The following DNAAF3 variants were observed in gnomAD, a reference collection of about 807,000 sequenced individuals.
The protein encoded by DNAAF3 is UPF0470 protein C19orf51.
A neutral mutation model predicts 50.9 loss-of-function variants in DNAAF3; 40 were observed. The observed-to-expected ratio is 0.79, with a 90% confidence interval of 0.61 to 1.02. The LOEUF is 1.02. Among genes scored for constraint, DNAAF3 ranks in the 50% least tolerant of loss-of-function variants. DNAAF3 has a pLI of 0.00. For missense variants in DNAAF3, 763 were observed against 744.7 expected (o/e 1.02, Z -0.29); for synonymous variants, 327 against 322.8 (o/e 1.01, Z -0.14).
Position 55,164,203 on chromosome 19 carries a change from G to A in DNAAF3, c.322+1167C>T, listed in dbSNP as rs536039707. On this transcript the variant is annotated intron_variant, in intron 4 of 11. Transcript: ENST00000524407. ...CAATTAAACCTCTTTTCTTGGGGCC[G>A]GGTGTGATCGCACCCGCCTGTAAAC... Among the ~76,000 whole-genome samples, 7 of 152,200 alleles carry A rather than the reference G, an allele frequency of 4.6e-5. No individual in the cohort carries two copies. The East Asian group carries it at 1.2e-3, about 25-fold the overall frequency.
rs1021364861 is a variant in DNAAF3, at chr19:55,162,087, T to G, written c.480+46A>C. 15 of 1,239,910 alleles carry G rather than the reference T, an allele frequency of 1.2e-5. No homozygotes were observed. In the African/African-American group the frequency reaches 2.2e-4, roughly 18 times the overall value. 76.8% of individuals were successfully genotyped at this position (1,239,910 alleles called of 1,614,324 possible). On this transcript the variant is annotated intron_variant, in intron 5 of 11. Transcript: ENST00000524407. ...CGTCCTTTGGACTGTGCGCTTCCAT[T>G]ATTCCCGCGGCCACCCGATCCCAGA...
rs781749900 is a variant in DNAAF3, at chr19:55,159,202, G to C, written c.1486C>G (p.Pro496Ala). 9.3e-6 allele frequency: 15 copies of C among 1,613,786 alleles called. No homozygotes were observed. Among genetic ancestry groups the C allele is most frequent in the Non-Finnish European group, 1.3e-5 (15 of 1,180,040 alleles). Residue 496 changes from proline to alanine, a missense_variant, in exon 12 of 12, where the codon CCT (proline) becomes GCT (alanine). Pro to Ala is a conservative substitution (Grantham distance 27). Transcript: ENST00000524407. Reference sequence around the variant, plus strand: ...CAGTGTGGGGTCCCACCCTGCAGAGGCTGGGTCAGGCCCTCAAGGGCTGGG... The same window carrying C: ...CAGTGTGGGGTCCCACCCTGCAGAGCCTGGGTCAGGCCCTCAAGGGCTGGG... The part of the protein sequence containing the change: ...SNPALEGLTQ[P>A]LQGGTPHCEP...
In DNAAF3 at chr19:55,158,829, G is replaced by C. The variant is rs758870525; in HGVS notation, c.*233C>G. 2 of 482,138 alleles carry C rather than the reference G, an allele frequency of 4.1e-6. No individual in the cohort carries two copies. Among genetic ancestry groups the C allele is most frequent in the Non-Finnish European group, 7.2e-6 (2 of 279,288 alleles). 29.9% of individuals were successfully genotyped at this position (482,138 alleles called of 1,614,324 possible). ...CTAGGCTGGGCTTAGAGCCTCAGAA[G>C]TGGAATTTGGAATTCTGAGAGAACA... On this transcript the variant is annotated 3_prime_UTR_variant, in exon 12 of 12. Coordinates refer to ENST00000524407, the MANE Select transcript of DNAAF3 (RefSeq NM_001256715.2).
At position 55,160,769 on chromosome 19, in the gene DNAAF3, C is replaced by T; in HGVS notation, c.919G>A (p.Gly307Arg). 1.2e-6 allele frequency: 2 copies of T among 1,610,022 alleles called. No individual in the cohort carries two copies. Among genetic ancestry groups the T allele is most frequent in the Non-Finnish European group, 1.7e-6 (2 of 1,179,428 alleles). Residue 307 changes from glycine (G) to arginine (R), a missense_variant, in exon 9 of 12, where the codon GGG becomes AGG. By Grantham distance (125) the Gly-to-Arg change is moderately radical (BLOSUM62 -2). Transcript: ENST00000524407. The surrounding 1 kb of genome is among the most constrained non-coding windows in gnomAD (Gnocchi z 4.7). ...TSNGQPVKTA[G>R]EITQHNVTEL... ...GTCACGTTGTGTTGAGTGATCTCCC[C>T]GGCCGTCTAACAGTAGAAGGGGCGT...
chr19:55,165,801 A>T (rs1284353241), intron 3 of DNAAF3, 57 bp downstream of exon 3: 1 of 1,579,396 alleles, frequency 6.3e-7, no homozygotes, highest in South Asian at 1.2e-5. Flanking sequence ...TAGAATTTCA[A>T]TCCCTTCCTC....
intron 3 of DNAAF3, 80 bp from the exon 4 acceptor site, chr19:55,165,543 C>A: frequency 7.2e-7 from 1 of 1,392,366 alleles, no homozygotes; most frequent in Non-Finnish European, 1.0e-6. Flanking sequence ...AGGCCCTCAG[C>A]TCTCTCCTTC....
chr19:55,159,659 G>A, intron 10 of DNAAF3, 52 bp from the exon 11 acceptor site: 1 of 1,609,910 alleles, frequency 6.2e-7, no homozygotes. Context: ...TCCGGAGGGA[G>A]GATGGGGCTC....
chr19:55,160,922 G>A lies in DNAAF3; in HGVS notation c.912+143C>T. 4 of 1,449,066 alleles carry A rather than the reference G, an allele frequency of 2.8e-6. No homozygotes were observed. Among genetic ancestry groups the A allele is most frequent in the Admixed American group, 2.6e-5 (1 of 38,662 alleles). 89.8% of individuals were successfully genotyped at this position (1,449,066 alleles called of 1,614,324 possible). The stretch of plus-strand genomic sequence containing the variant: ...GCGGGACCTATCCCGCGGGGATGGG[G>A]CCTGTTCTCTGAATGGAGTCGTTCC... On this transcript the variant is annotated intron_variant, in intron 8 of 11. Transcript: ENST00000524407. The surrounding 1 kb of genome is among the most constrained non-coding windows in gnomAD (Gnocchi z 4.7).
At chr19:55,165,721 G>A in intron 3 of DNAAF3, 137 bp downstream of exon 3, 1 of 1,445,196 alleles carries the variant, frequency 6.9e-7, no homozygotes, top group South Asian at 1.3e-5. Flanking sequence ...AGACGCATCG[G>A]TTCGCTCCCA....
Position 55,161,777 on chromosome 19 carries a change from C to A in DNAAF3, c.529G>T (p.Gly177Cys). ...LEAVFRFWAG[G>C]EKGPQAFPMS... is the part of the protein sequence containing the mutation. ...GGGAACGCCTGGGGCCCTTTCTCGC[C>A]GCCAGCCCAGAAGCGGAATACGGCC... is the stretch of plus-strand genomic sequence containing the variant. The change falls in exon 6 of 12, where the codon GGC becomes TGC. Residue 177 changes from glycine to cysteine, a missense_variant. By Grantham distance (159) the Gly-to-Cys change is radical. Coordinates refer to ENST00000524407, the MANE Select transcript of DNAAF3 (RefSeq NM_001256715.2). This position sits in a 1 kb window ranked among gnomAD's most constrained non-coding sequence, Gnocchi z 6.4. The A allele has an allele frequency of 6.7e-7, 1 of 1,500,652 alleles. No individual in the cohort carries two copies. The highest frequency in any genetic ancestry group is 8.9e-7 in the Non-Finnish European group (1 of 1,126,448). 93.0% of individuals were successfully genotyped at this position (1,500,652 alleles called of 1,614,324 possible).
At position 55,164,566 on chromosome 19, in the gene DNAAF3, C is replaced by G. The variant is rs560577442; in HGVS notation, c.322+804G>C. On this transcript the variant is annotated intron_variant, in intron 4 of 11. Transcript: ENST00000524407. ...TAGATGGAGGTTTTGCTTTTGTCGC[C>G]CAGGCTGGAGTGCAGTGGTGTGATC... is the stretch of plus-strand genomic sequence containing the variant. Among the ~76,000 whole-genome samples the G allele has an allele frequency of 7.1e-4, 108 of 151,998 alleles. No homozygotes were observed. In the South Asian group the frequency reaches 0.021, roughly 29 times the overall value.
In DNAAF3 at chr19:55,159,891, C is replaced by G. The variant is rs772585706; in HGVS notation, c.1163+8G>C. 1 of 1,613,304 alleles carries G rather than the reference C, an allele frequency of 6.2e-7. No homozygotes were observed. Among genetic ancestry groups the G allele is most frequent in the Non-Finnish European group, 8.5e-7 (1 of 1,179,510 alleles). ...GGTCTTTGTGAGCACAGCTGCCTCCCCGCTTACCCACAGGCCACATAGAGG... is the reference window on the plus strand; with the variant it reads ...GGTCTTTGTGAGCACAGCTGCCTCCGCGCTTACCCACAGGCCACATAGAGG... On this transcript the variant is annotated splice_region_variant and intron_variant, in intron 10 of 11. Coordinates refer to ENST00000524407, the MANE Select transcript of DNAAF3 (RefSeq NM_001256715.2).
Position 55,165,980 on chromosome 19 carries a change from A to C in DNAAF3, c.106T>G (p.Ser36Ala). Residue 36 changes from serine to alanine, a missense_variant, in exon 3 of 12, where the codon TCC (serine) becomes GCC (alanine). Ser to Ala is a moderately conservative substitution (Grantham distance 99, BLOSUM62 1). Coordinates refer to ENST00000524407, the MANE Select transcript of DNAAF3 (RefSeq NM_001256715.2). Reference sequence around the variant, plus strand: ...TTGCTGTGCACTGTATCGGCCTGGGAGTCTGGGTCCACAGGAGGACCTGGC... The same window carrying C: ...TTGCTGTGCACTGTATCGGCCTGGGCGTCTGGGTCCACAGGAGGACCTGGC... ...QAESPPVDPDSQADTVHSNPE... is the reference protein window; with the variant it reads ...QAESPPVDPDAQADTVHSNPE... The C allele has an allele frequency of 6.2e-7, 1 of 1,614,156 alleles. No individual in the cohort carries two copies. The highest frequency in any genetic ancestry group is 8.5e-7 in the Non-Finnish European group (1 of 1,180,024).
chr19:55,166,327 A>G lies in DNAAF3; in HGVS notation c.85+2T>C. On this transcript the variant is annotated splice_donor_variant, in intron 2 of 11. Coordinates refer to ENST00000524407, the MANE Select transcript of DNAAF3 (RefSeq NM_001256715.2). LOFTEE classifies it high-confidence loss of function. This position sits in a 1 kb window ranked among gnomAD's most constrained non-coding sequence, Gnocchi z 4.0. Reference sequence around the variant, plus strand: ...TATCAGACCTTGCGTGCTGGGACTCACTTTCAGCCTGCAGGTCCAGCGCCG... The same window carrying G: ...TATCAGACCTTGCGTGCTGGGACTCGCTTTCAGCCTGCAGGTCCAGCGCCG... The G allele has an allele frequency of 6.2e-7, 1 of 1,613,128 alleles. No individual in the cohort carries two copies. Among genetic ancestry groups the G allele is most frequent in the Admixed American group, 1.7e-5 (1 of 59,980 alleles).
chr19:55,166,568 T>C lies in DNAAF3; in HGVS notation c.-50A>G, dbSNP rs1256744046. On this transcript the variant is annotated 5_prime_UTR_variant, in exon 1 of 12. Coordinates refer to ENST00000524407, the MANE Select transcript of DNAAF3 (RefSeq NM_001256715.2). The surrounding 1 kb of genome is among the most constrained non-coding windows in gnomAD (Gnocchi z 4.0). ...GGGACGCCCCTTCCTCTCTGCTCAG[T>C]GCAGCACTGTGGACCCGCGGCACTC... 6.2e-7 allele frequency: 1 copy of C among 1,614,066 alleles called. No homozygotes were observed. Among genetic ancestry groups the C allele is most frequent in the African/African-American group, 1.3e-5 (1 of 74,924 alleles).
Position 55,161,376 on chromosome 19 carries a change from T to G in DNAAF3, c.706A>C (p.Thr236Pro). The change falls in exon 7 of 12, where the codon ACA becomes CCA. Residue 236 changes from threonine to proline, a missense_variant. Transcript: ENST00000524407. The surrounding 1 kb of genome is among the most constrained non-coding windows in gnomAD (Gnocchi z 6.4). ...TCCCTGAGTTCAAAGGCGACGCCTG[T>G]GTCCCGCCAGCGTCGGAACTCCTGG... ...HPQEFRRWRD[T>P]GVAFELRDSS... The G allele has an allele frequency of 6.6e-7, 1 of 1,509,206 alleles. No individual in the cohort carries two copies. Among genetic ancestry groups the G allele is most frequent in the Non-Finnish European group, 9.0e-7 (1 of 1,115,876 alleles). The allele number at this position is 1,509,206 out of a possible 1,614,324, so 93.5% of individuals were successfully genotyped here.
chr19:55,161,496 C>T lies in DNAAF3; in HGVS notation c.664-78G>A, dbSNP rs545406780. On this transcript the variant is annotated intron_variant, in intron 6 of 11. Coordinates refer to ENST00000524407, the MANE Select transcript of DNAAF3 (RefSeq NM_001256715.2). This position sits in a 1 kb window ranked among gnomAD's most constrained non-coding sequence, Gnocchi z 6.4. Reference sequence around the variant, plus strand: ...ACCCCTACACCAGCCTCCCTCAGACCCAGGAGTCCAGGTCCCCAGGCCCTC... The same window carrying T: ...ACCCCTACACCAGCCTCCCTCAGACTCAGGAGTCCAGGTCCCCAGGCCCTC... The T allele has an allele frequency of 2.6e-6, 4 of 1,518,280 alleles. No homozygotes were observed. The East Asian group carries it at 6.9e-5, about 26-fold the overall frequency. The allele number at this position is 1,518,280 out of a possible 1,614,324, so 94.1% of individuals were successfully genotyped here. A position where few individuals can be genotyped will look rare whatever the true frequency, so the allele number is the denominator to read the frequency against.
At chr19:55,163,522 T>C (rs1019646825) in intron 4 of DNAAF3, among the ~76,000 whole-genome samples, 1 of 150,612 alleles carries the variant, frequency 6.6e-6, no homozygotes, top group Non-Finnish European at 1.5e-5. Context: ...AAACTCGTGG[T>C]CTCAAGCAGT....
Position 55,161,772 on chromosome 19 carries a change from C to G in DNAAF3, c.534G>C (p.Glu178Asp). 1 of 1,507,020 alleles carries G rather than the reference C, an allele frequency of 6.6e-7. No individual in the cohort carries two copies. Among genetic ancestry groups the G allele is most frequent in the African/African-American group, 1.4e-5 (1 of 71,608 alleles). 93.4% of individuals were successfully genotyped at this position (1,507,020 alleles called of 1,614,324 possible). The change falls in exon 6 of 12, where the codon GAG becomes GAC. Residue 178 changes from glutamate (E) to aspartate (D), a missense_variant. Physicochemically the swap from Glu to Asp is conservative, Grantham distance 45. Coordinates refer to ENST00000524407, the MANE Select transcript of DNAAF3 (RefSeq NM_001256715.2). This position sits in a 1 kb window ranked among gnomAD's most constrained non-coding sequence, Gnocchi z 6.4. ...TCATGGGGAACGCCTGGGGCCCTTTCTCGCCGCCAGCCCAGAAGCGGAATA... is the reference window on the plus strand; with the variant it reads ...TCATGGGGAACGCCTGGGGCCCTTTGTCGCCGCCAGCCCAGAAGCGGAATA... ...EAVFRFWAGG[E>D]KGPQAFPMSR... is the part of the protein sequence containing the mutation.
Sources: allele counts gnomAD v4.1 joint callset (sites outside exome capture counted in the v4.1 genomes callset), GRCh38; gene constraint gnomAD v4.1.1; non-coding constraint Gnocchi (gnomAD v3.1); transcripts MANE v1.5; gene names NCBI Gene and HGNC (gene_info 2026-07-23, HGNC 2026-07-21).